RGS6: variants seen among roughly 807,000 people sequenced by gnomAD.
The protein encoded by RGS6 is regulator of G protein signaling 6.
A neutral mutation model predicts 78.5 loss-of-function variants in RGS6; 30 were observed. The observed-to-expected ratio is 0.38, with a 90% CI of 0.29 to 0.52. The LOEUF (loss-of-function observed/expected upper bound fraction) is 0.52, where lower values mean the gene tolerates loss of function less well. RGS6 is among the 20% of genes least tolerant of loss of function. The pLI, the probability that RGS6 is intolerant of heterozygous loss-of-function variation, is 0.85. For missense variants in RGS6, 495 were observed against 609.7 expected (o/e 0.81, Z 1.98); for synonymous variants, 206 against 206.0 (o/e 1.00, Z 0.00).
chr14:72,151,116 C>T (rs539508409), intron 2 of RGS6, among the ~76,000 whole-genome samples: 10 of 152,262 alleles, frequency 6.6e-5, no homozygotes, highest in Admixed American at 2.6e-4. Context: ...CAAAGGGACA[C>T]GTAGAACGAA....
chr14:72,165,752 C>G (rs1054599519), intron 2 of RGS6, among the ~76,000 whole-genome samples: 1 of 152,148 alleles, frequency 6.6e-6, no homozygotes, highest in Non-Finnish European at 1.5e-5. Flanking sequence ...CTCTTCCTGT[C>G]AGTGTTTTTG....
In RGS6 at chr14:72,368,380, C is replaced by G. The variant is rs540251431; in HGVS notation, c.184+16186C>G. On this transcript the variant is annotated intron_variant, in intron 3 of 17. Transcript: ENST00000553525. Reference sequence around the variant, plus strand: ...ATGGAACCCTCATGATCTAGTCATTCATTAATGATCCCATCTCTTAATATT... The same window carrying G: ...ATGGAACCCTCATGATCTAGTCATTGATTAATGATCCCATCTCTTAATATT... 4.6e-5 allele frequency among the ~76,000 whole-genome samples: 7 copies of G among 152,274 alleles called. No homozygotes were observed. In the East Asian group the frequency reaches 1.4e-3, roughly 29 times the overall value.
At chr14:72,622,376 G>A in the RGS6 span, among the ~76,000 whole-genome samples, 1 of 152,136 alleles carries the variant, frequency 6.6e-6, no homozygotes, top group East Asian at 1.9e-4. Flanking sequence ...CGCCAAAACA[G>A]TTACATCATT....
At chr14:72,003,297 G>A (rs187881223) in intron 2 of RGS6, among the ~76,000 whole-genome samples, 423 of 152,160 alleles carry the variant, frequency 2.8e-3, no homozygotes, top group Non-Finnish European at 4.5e-3. Flanking sequence ...TTTACCATTC[G>A]ACGTTGTTGG....
intron 17 of RGS6, among the ~76,000 whole-genome samples, chr14:72,560,844 G>GCA (rs2097665737): frequency 6.9e-6 from 1 of 145,164 alleles, no homozygotes; most frequent in African/African-American, 2.5e-5. Flanking sequence ...GTGTGTTTAA[G>GCA]ATGGGGAGAA....
intron 2 of RGS6, among the ~76,000 whole-genome samples, chr14:72,152,239 AGAGAGAGTGTGTGTGTGTGTGT>A (rs2096703051): frequency 7.0e-6 from 1 of 142,452 alleles, no homozygotes; most frequent in South Asian, 2.3e-4. Flanking sequence ...AGAGAGAGAG[AGAGAGAGTGTGTGTGTGTGTGT>A]GTGTGTGTGT....
intron 3 of RGS6, among the ~76,000 whole-genome samples, chr14:72,415,241 G>A (rs532914276): frequency 5.3e-5 from 8 of 152,328 alleles, no homozygotes; most frequent in South Asian, 2.1e-4. Context: ...GGGCAATGGC[G>A]GGTGCCCCTC....
At chr14:72,076,951 T>TATATATATATATATATATAAATG (rs1567157512) in intron 2 of RGS6, among the ~76,000 whole-genome samples, 4 of 136,936 alleles carry the variant, frequency 2.9e-5, no homozygotes, top group African/African-American at 1.1e-4. Context: ...ACAGCCAAAT[T>TATATATATATATATATATAAATG]TTATATATAT....
At chr14:72,070,132 TTCTCTCTC>T (rs141781751) in intron 2 of RGS6, among the ~76,000 whole-genome samples, 1 of 150,742 alleles carries the variant, frequency 6.6e-6, no homozygotes, top group Non-Finnish European at 1.5e-5. Context: ...TGTGCTTTAT[TTCTCTCTC>T]TCTCTCTCTG....
intron 15 of RGS6, among the ~76,000 whole-genome samples, chr14:72,533,310 G>A (rs1459418519): frequency 6.6e-6 from 1 of 152,176 alleles, no homozygotes; most frequent in African/African-American, 2.4e-5. Context: ...GAGACCTACT[G>A]TTGAGGAAAA....
intron 2 of RGS6, among the ~76,000 whole-genome samples, chr14:72,035,823 C>A (rs1019314259): frequency 5.9e-5 from 9 of 152,084 alleles, no homozygotes; most frequent in African/African-American, 2.2e-4. Flanking sequence ...CTCAGCACAT[C>A]TACATTTTAT....
chr14:72,482,632 C>A (rs2096404172), intron 12 of RGS6, among the ~76,000 whole-genome samples: 1 of 152,196 alleles, frequency 6.6e-6, no homozygotes, highest in Non-Finnish European at 1.5e-5. Flanking sequence ...ATGGCCTCAG[C>A]TGGGACAGTT....
At chr14:72,377,874 C>T (rs1421907341) in intron 3 of RGS6, among the ~76,000 whole-genome samples, 1 of 152,044 alleles carries the variant, frequency 6.6e-6, no homozygotes, top group African/African-American at 2.4e-5. Context: ...GCTACTCAGG[C>T]GGCTGAGGTG....
At chr14:72,278,107 A>G (rs1474918128) in intron 2 of RGS6, among the ~76,000 whole-genome samples, 1 of 152,158 alleles carries the variant, frequency 6.6e-6, no homozygotes, top group African/African-American at 2.4e-5. Context: ...GTCTGGAGGT[A>G]CAAGTGGGGG....
At chr14:72,464,401 G>A (rs1006556815) in intron 6 of RGS6, among the ~76,000 whole-genome samples, 2 of 152,190 alleles carry the variant, frequency 1.3e-5, no homozygotes, top group Non-Finnish European at 2.9e-5. Context: ...TGACTCCTAT[G>A]AGCACACAAT....
chr14:72,010,577 T>C (rs1053637363), intron 2 of RGS6, among the ~76,000 whole-genome samples: 4 of 152,220 alleles, frequency 2.6e-5, no homozygotes, highest in African/African-American at 9.7e-5. Flanking sequence ...TTGTTGGCAC[T>C]GTTAAATAAA....
At chr14:72,036,194 G>A (rs1392820595) in intron 2 of RGS6, among the ~76,000 whole-genome samples, 1 of 77,386 alleles carries the variant, frequency 1.3e-5, no homozygotes, top group Non-Finnish European at 2.5e-5. Context: ...GTTGTTGCAT[G>A]TAAACATATT....
chr14:72,090,335 G>T (rs2095224885), intron 2 of RGS6, among the ~76,000 whole-genome samples: 1 of 152,152 alleles, frequency 6.6e-6, no homozygotes, highest in African/African-American at 2.4e-5. Flanking sequence ...ACAGCCGGAG[G>T]TGAGCAGCAG....
intron 1 of RGS6, among the ~76,000 whole-genome samples, chr14:71,959,304 T>C (rs764474681): frequency 1.4e-4 from 21 of 151,874 alleles, no homozygotes; most frequent in Admixed American, 2.6e-4. Flanking sequence ...TTTTTTTTCC[T>C]GAAGTGCTTA....
Sources: gnomAD v4.1 joint callset for allele counts (sites outside exome capture counted in the v4.1 genomes callset) on GRCh38, gnomAD v4.1.1 for gene constraint, MANE v1.5 for transcripts, NCBI Gene and HGNC (gene_info 2026-07-23, HGNC 2026-07-21) for gene names.